Variants in PSD3 observed in about 807,000 individuals in gnomAD.
PSD3 encodes the protein pleckstrin and Sec7 domain containing 3.
In PSD3, 49 loss-of-function variants were observed where a neutral mutation model predicts 105.5. The observed-to-expected ratio is 0.46, with a 90% CI of 0.37 to 0.59. The LOEUF (loss-of-function observed/expected upper bound fraction) is 0.59, where lower values mean the gene tolerates loss of function less well. Ranked by LOEUF, PSD3 falls within the 20% of genes least tolerant of loss-of-function variation. The probability of loss-of-function intolerance (pLI) is 0.00; values close to 1 mark genes in which losing one functional copy is unlikely to be tolerated. For synonymous variants in PSD3, 557 were observed against 457.8 expected (o/e 1.22, Z -2.77); for missense variants, 1,561 against 1,263.8 (o/e 1.24, Z -3.57).
chr8:18,716,347 T>G (rs1368773137), intron 9 of PSD3, among the ~76,000 whole-genome samples: 1 of 152,170 alleles, frequency 6.6e-6, no homozygotes, highest in Admixed American at 6.5e-5. Flanking sequence ...ATATAGTTTT[T>G]ACCTTTCCGG....
intron 9 of PSD3, among the ~76,000 whole-genome samples, chr8:18,712,466 C>T (rs1387068988): frequency 3.9e-5 from 6 of 152,090 alleles, no homozygotes; most frequent in African/African-American, 9.7e-5. Flanking sequence ...GAAATATAAA[C>T]AACCATCAGA....
intron 8 of PSD3, among the ~76,000 whole-genome samples, chr8:18,781,460 G>C (rs186920948): frequency 2.6e-4 from 39 of 152,294 alleles, no homozygotes; most frequent in African/African-American, 7.2e-4. Flanking sequence ...CTAAGAAACT[G>C]AATTTGTCAG....
At chr8:18,593,621 T>C (rs1272616820) in intron 12 of PSD3, among the ~76,000 whole-genome samples, 2 of 152,126 alleles carry the variant, frequency 1.3e-5, no homozygotes, top group African/African-American at 4.8e-5. Context: ...ATCCCATTAC[T>C]GGGTATATAC....
At chr8:18,639,756 T>C (rs984214368) in intron 10 of PSD3, among the ~76,000 whole-genome samples, 9 of 152,158 alleles carry the variant, frequency 5.9e-5, no homozygotes, top group African/African-American at 2.2e-4. Context: ...AGCCCATTTG[T>C]GGCATTTTGT....
chr8:18,823,241 A>C (rs1306091324), intron 4 of PSD3, among the ~76,000 whole-genome samples: 1 of 152,156 alleles, frequency 6.6e-6, no homozygotes, highest in Non-Finnish European at 1.5e-5. Flanking sequence ...CTTTGGCACC[A>C]TTCTTCAAGC....
intron 9 of PSD3, among the ~76,000 whole-genome samples, chr8:18,693,470 G>A (rs781382676): frequency 3.3e-5 from 5 of 152,296 alleles, no homozygotes; most frequent in Admixed American, 6.5e-5. Flanking sequence ...GGGGAAACAT[G>A]CTGTATTAAA....
intron 4 of PSD3, among the ~76,000 whole-genome samples, chr8:18,813,965 C>T (rs1811978467): frequency 6.6e-6 from 1 of 152,182 alleles, no homozygotes; most frequent in African/African-American, 2.4e-5. Flanking sequence ...TGAGATAATA[C>T]ATGACAGCAC....
Position 18,887,752 on chromosome 8 carries a change from T to C in PSD3, c.131-15019A>G, listed in dbSNP as rs368833004. On this transcript the variant is annotated intron_variant, in intron 2 of 15. Coordinates refer to ENST00000327040, the MANE Select transcript of PSD3 (RefSeq NM_015310.4). The stretch of plus-strand genomic sequence containing the variant: ...CACAGTTGCTTTTATTCATTCCATA[T>C]ACATTTACTGAGTGCCAAACAGGGT... Among the ~76,000 whole-genome samples the C allele has an allele frequency of 5.4e-4, 83 of 152,346 alleles. 3 individuals carry two copies. The South Asian group carries it at 0.017, about 30-fold the overall frequency.
chr8:18,595,103 G>A (rs1324342317), intron 12 of PSD3, among the ~76,000 whole-genome samples: 1 of 151,724 alleles, frequency 6.6e-6, no homozygotes, highest in African/African-American at 2.4e-5. Context: ...GAATACAAAA[G>A]GATATAATTT....
chr8:18,563,043 A>C (rs1458456167), intron 14 of PSD3, among the ~76,000 whole-genome samples: 1 of 152,228 alleles, frequency 6.6e-6, no homozygotes, highest in African/African-American at 2.4e-5. Context: ...TTAGCACAAA[A>C]TATACCCTGA....
rs1264095453 is a variant in PSD3 at position 18,712,715 on chromosome 8, G to A, written c.2172+52734C>T. Among the ~76,000 whole-genome samples the A allele has an allele frequency of 2.0e-5, 3 of 152,112 alleles. No homozygotes were observed. In the East Asian group the frequency reaches 5.8e-4, roughly 29 times the overall value. ...AATTCTACCACAGGTACAAACAGGA[G>A]CTAGTACCATTTCATGCGAAACTAT... On this transcript the variant is annotated intron_variant, in intron 9 of 15. Coordinates refer to ENST00000327040, the MANE Select transcript of PSD3 (RefSeq NM_015310.4).
At chr8:18,988,557 A>G (rs1825627655) in intron 1 of PSD3, among the ~76,000 whole-genome samples, 2 of 152,090 alleles carry the variant, frequency 1.3e-5, no homozygotes, top group South Asian at 2.1e-4. Flanking sequence ...CTTCTGTTCT[A>G]CATGGTTGTA....
chr8:18,954,862 T>C (rs1277083415), intron 1 of PSD3, among the ~76,000 whole-genome samples: 2 of 152,132 alleles, frequency 1.3e-5, no homozygotes, highest in Non-Finnish European at 2.9e-5. Context: ...CCAAGGGAAT[T>C]ACAACATTAA....
At chr8:18,551,899 C>A (rs566285241) in intron 15 of PSD3, among the ~76,000 whole-genome samples, 3 of 152,234 alleles carry the variant, frequency 2.0e-5, no homozygotes, top group Admixed American at 2.0e-4. Context: ...TGGCTGCAGC[C>A]TCTAGTACAG....
At chr8:18,798,060 G>C (rs1230107047) in intron 8 of PSD3, among the ~76,000 whole-genome samples, 1 of 152,154 alleles carries the variant, frequency 6.6e-6, no homozygotes, top group Non-Finnish European at 1.5e-5. Context: ...AAGTGGTCAT[G>C]ACAATCCACT....
intron 1 of PSD3, among the ~76,000 whole-genome samples, chr8:18,973,306 A>G (rs1038675839): frequency 6.6e-6 from 1 of 152,236 alleles, no homozygotes; most frequent in Admixed American, 6.5e-5. Flanking sequence ...TTAGGCTGCT[A>G]TAACAAGACA....
intron 4 of PSD3, among the ~76,000 whole-genome samples, chr8:18,861,312 C>T (rs1816422360): frequency 6.6e-6 from 1 of 152,046 alleles, no homozygotes; most frequent in Non-Finnish European, 1.5e-5. Context: ...TAGAAGGACA[C>T]ATAAGCAAAA....
intron 15 of PSD3, 69 bp from the exon 16 acceptor site, chr8:18,536,027 T>C (rs1799826669): frequency 1.4e-6 from 2 of 1,427,226 alleles, no homozygotes; most frequent in Non-Finnish European, 2.0e-6. Flanking sequence ...AGCACACTTG[T>C]GTATTACCCA....
At chr8:18,617,200 T>G (rs563842394) in intron 11 of PSD3, among the ~76,000 whole-genome samples, 6 of 152,236 alleles carry the variant, frequency 3.9e-5, no homozygotes, top group Admixed American at 2.6e-4. Flanking sequence ...TGTACACACA[T>G]GCAAAACAAA....
Sources: allele counts gnomAD v4.1 joint callset (sites outside exome capture counted in the v4.1 genomes callset), GRCh38; gene constraint gnomAD v4.1.1; transcripts MANE v1.5; gene names NCBI Gene and HGNC (gene_info 2026-07-23, HGNC 2026-07-21).